Variants in FAM161B observed in about 807,000 individuals in gnomAD.
FAM161B encodes FAM161 centrosomal protein B, also known as protein FAM161B.
In FAM161B, 46 loss-of-function variants were observed where a neutral mutation model predicts 61.5. The ratio of observed to expected loss-of-function variants is 0.75; its 90% CI spans 0.59 to 0.96. FAM161B has a LOEUF of 0.96. Among genes scored for constraint, FAM161B ranks in the 40% least tolerant of loss-of-function variants. The pLI is 0.00. For synonymous variants in FAM161B, 284 were observed against 302.7 expected (o/e 0.94, Z 0.64); for missense variants, 774 against 800.7 (o/e 0.97, Z 0.40).
intron 2 of FAM161B, among the ~76,000 whole-genome samples, chr14:73,945,543 C>A (rs991419976): frequency 2.0e-5 from 3 of 151,870 alleles, no homozygotes; most frequent in African/African-American, 7.3e-5. Context: ...CAATTCTCTG[C>A]CTCTCCTTCC....
intron 1 of FAM161B, among the ~76,000 whole-genome samples, chr14:73,947,065 T>C (rs2056073288): frequency 1.3e-5 from 2 of 152,158 alleles, no homozygotes; most frequent in Admixed American, 1.3e-4. Context: ...GCTTTCCTCA[T>C]GTTCTAGCTA....
At chr14:73,926,484 A>G in the FAM161B span, among the ~76,000 whole-genome samples, 1 of 152,018 alleles carries the variant, frequency 6.6e-6, no homozygotes, top group African/African-American at 2.4e-5. Flanking sequence ...CCAGGTCAAG[A>G]GTGCAGTGGC....
At position 73,949,926 on chromosome 14, in the gene FAM161B, CCT is replaced by C. The variant is rs1004733267; in HGVS notation, c.54+45_54+46del. 2.5e-6 allele frequency: 4 copies of C among 1,608,578 alleles called. No homozygotes were observed. The African/African-American group carries it at 4.0e-5, about 16-fold the overall frequency. ...TCTCCAAGGCAACGCCCAACAGTTTCCTCTCCGGGATTCCTTTCCCGGGGGCA... is the reference window on the plus strand; with the variant it reads ...TCTCCAAGGCAACGCCCAACAGTTTCCTCCGGGATTCCTTTCCCGGGGGCA... On this transcript the variant is annotated intron_variant, in intron 1 of 8. Transcript: ENST00000286544.
At position 73,942,413 on chromosome 14, in the gene FAM161B, G is replaced by A. The variant is rs900495204; in HGVS notation, c.1228C>T (p.His410Tyr). ...PFLLRTANLRHPQRPCDAATT... is the reference protein window; with the variant it reads ...PFLLRTANLRYPQRPCDAATT... ...GCAGCATCACAGGGCCGCTGAGGGT[G>A]GCGCAGGTTGGCGGTCCTCAGCAAG... Residue 410 changes from histidine to tyrosine, a missense_variant, in exon 4 of 9, where the codon CAC becomes TAC. By Grantham distance (83) the His-to-Tyr change is moderately conservative (BLOSUM62 2). Transcript: ENST00000286544. The A allele has an allele frequency of 5.6e-6, 9 of 1,614,068 alleles. No individual in the cohort carries two copies. Among genetic ancestry groups the A allele is most frequent in the African/African-American group, 2.7e-5 (2 of 74,928 alleles).
the FAM161B span, among the ~76,000 whole-genome samples, chr14:73,924,003 A>C: frequency 6.6e-6 from 1 of 152,166 alleles, no homozygotes; most frequent in Non-Finnish European, 1.5e-5. Context: ...CTCAGCAAAA[A>C]AGGTAGTAAC....
chr14:73,944,562 A>C lies in FAM161B; in HGVS notation c.698T>G (p.Ile233Ser), dbSNP rs769011304. 3.4e-5 allele frequency: 55 copies of C among 1,613,826 alleles called. No individual in the cohort carries two copies. The highest frequency in any genetic ancestry group is 4.6e-5 in the Non-Finnish European group (54 of 1,179,944). The change falls in exon 3 of 9, where the codon ATC (isoleucine) becomes AGC (serine). Residue 233 changes from isoleucine to serine, a missense_variant. Transcript: ENST00000286544. ...AHVYLPLYQE[I>S]MERSEARRQA... ...CCTTCGGGCCTCGCTGCGCTCCATG[A>C]TCTCTTGGTAGAGGGGCAGGTAGAC...
intron 2 of FAM161B, 34 bp downstream of exon 2, chr14:73,946,252 G>A (rs1208394772): frequency 3.1e-6 from 5 of 1,592,282 alleles, no homozygotes; most frequent in Non-Finnish European, 3.4e-6. Flanking sequence ...GTGGAGGTGT[G>A]GAGTGAGGCA....
chr14:73,949,741 CAT>C (rs2056113905), intron 1 of FAM161B, among the ~76,000 whole-genome samples: 1 of 152,170 alleles, frequency 6.6e-6, no homozygotes, highest in South Asian at 2.1e-4. Flanking sequence ...TACTACTGGT[CAT>C]AGAGTACTAA....
chr14:73,928,357 A>G (rs943383451), downstream of FAM161B, among the ~76,000 whole-genome samples: 1 of 152,088 alleles, frequency 6.6e-6, no homozygotes, highest in Non-Finnish European at 1.5e-5. Flanking sequence ...GTTGAGTGTG[A>G]TGGGACATGG....
intron 1 of FAM161B, among the ~76,000 whole-genome samples, chr14:73,949,085 ATTTTTTGTAT>A (rs1237361948): frequency 1.4e-5 from 2 of 147,656 alleles, no homozygotes; most frequent in Non-Finnish European, 3.0e-5. Context: ...TGCCCAGATA[ATTTTTTGTAT>A]TTTTTTGTTT....
chr14:73,937,722 A>G, intron 6 of FAM161B, 21 bp from the exon 7 acceptor site: 1 of 1,609,884 alleles, frequency 6.2e-7, no homozygotes, highest in Non-Finnish European at 8.5e-7. Flanking sequence ...CAAGACTTTT[A>G]GAAAGAATTT....
At chr14:73,943,938 G>A (rs760947131) in intron 3 of FAM161B, among the ~76,000 whole-genome samples, 1 of 152,100 alleles carries the variant, frequency 6.6e-6, no homozygotes, top group African/African-American at 2.4e-5. Context: ...TAATTTCGGC[G>A]ATTGACACTA....
the FAM161B span, chr14:73,923,629 G>A: frequency 5.6e-6 from 8 of 1,428,818 alleles, no homozygotes; most frequent in Non-Finnish European, 7.6e-6. Flanking sequence ...GGAAACTTTG[G>A]CACGAATATT....
intron 7 of FAM161B, among the ~76,000 whole-genome samples, chr14:73,937,230 G>C (rs2140342695): frequency 6.6e-6 from 1 of 152,352 alleles, no homozygotes; most frequent in South Asian, 2.1e-4. Flanking sequence ...CCCAGGGCCA[G>C]CAGCACTGCC....
Position 73,934,286 on chromosome 14 carries a change from CTGA to C in FAM161B, c.1911_1913del (p.His637del). On this transcript the variant is annotated inframe_deletion, in exon 9 of 9. Transcript: ENST00000286544. ...CAAGTGATACGAGATTTTCTGGTGA[CTGA>C]TGAGACAGCTCCTCCAGTACTTTCC... 1 of 1,613,952 alleles carries C rather than the reference CTGA, an allele frequency of 6.2e-7. No homozygotes were observed. Among genetic ancestry groups the C allele is most frequent in the Non-Finnish European group, 8.5e-7 (1 of 1,179,974 alleles).
At chr14:73,947,203 T>C (rs1413795893) in intron 1 of FAM161B, among the ~76,000 whole-genome samples, 1 of 151,904 alleles carries the variant, frequency 6.6e-6, no homozygotes, top group East Asian at 1.9e-4. Context: ...TTGACCAACA[T>C]GGTGAAATCC....
At chr14:73,945,351 G>C (rs182545087) in intron 2 of FAM161B, among the ~76,000 whole-genome samples, 1 of 152,256 alleles carries the variant, frequency 6.6e-6, no homozygotes, top group Admixed American at 6.5e-5. Context: ...ACTTTCTAAG[G>C]CTTGACCAAG....
At chr14:73,931,453 T>C (rs758205313), downstream of FAM161B, 3 of 1,505,058 alleles carry the variant, frequency 2.0e-6, no homozygotes. Flanking sequence ...AATTATTTTT[T>C]CTATAATTCA....
the FAM161B span, among the ~76,000 whole-genome samples, chr14:73,925,364 A>G: frequency 6.6e-6 from 1 of 151,854 alleles, no homozygotes; most frequent in Non-Finnish European, 1.5e-5. Flanking sequence ...AGAGACTAGT[A>G]TGATAAACCC....
Sources: allele counts gnomAD v4.1 joint callset (sites outside exome capture counted in the v4.1 genomes callset), GRCh38; gene constraint gnomAD v4.1.1; transcripts MANE v1.5; gene names NCBI Gene and HGNC (gene_info 2026-07-23, HGNC 2026-07-21).